The following PRKAG2 variants were observed in gnomAD, a reference collection of about 807,000 sequenced individuals.
PRKAG2 encodes 5'-AMP-activated protein kinase subunit gamma-2.
PRKAG2 carries 26 observed loss-of-function variants against 69.6 expected under a neutral mutation model. The ratio of observed to expected loss-of-function variants is 0.37; its 90% confidence interval spans 0.27 to 0.52. PRKAG2 has a LOEUF of 0.52. Ranked by LOEUF, PRKAG2 falls within the 20% of genes least tolerant of loss-of-function variation. The probability of loss-of-function intolerance (pLI) is 0.90; values close to 1 mark genes in which losing one functional copy is unlikely to be tolerated. For missense variants in PRKAG2, 557 were observed against 740.0 expected, an observed-to-expected ratio of 0.75 and a Z score of 2.87; for synonymous variants, 293 against 285.0, an observed-to-expected ratio of 1.03 and a Z score of -0.28.
At chr7:151,618,980 C>T (rs1820841655) in intron 5 of PRKAG2, among the ~76,000 whole-genome samples, 1 of 152,060 alleles carries the variant, frequency 6.6e-6, no homozygotes, top group Admixed American at 6.5e-5. Context: ...AATGCACACA[C>T]TCTTCTAAAT....
At chr7:151,743,225 T>C (rs2074026680) in intron 3 of PRKAG2, among the ~76,000 whole-genome samples, 2 of 152,220 alleles carry the variant, frequency 1.3e-5, no homozygotes, top group African/African-American at 4.8e-5. Context: ...TTCTAATGTA[T>C]TTTTAAAGGG....
intron 3 of PRKAG2, among the ~76,000 whole-genome samples, chr7:151,722,236 G>T (rs1797230265): frequency 6.6e-6 from 1 of 152,124 alleles, no homozygotes; most frequent in Non-Finnish European, 1.5e-5. Context: ...TTATAAAAGG[G>T]GTTCAGCCCA....
rs78231637 is a variant in PRKAG2 at position 151,710,287 on chromosome 7, T to C, written c.467-34650A>G. On this transcript the variant is annotated intron_variant, in intron 3 of 15. Coordinates refer to ENST00000287878, the MANE Select transcript of PRKAG2 (RefSeq NM_016203.4). ...ACCCGTGCCCCGCCCAGCCTGTCTC[T>C]ATCTCAGTGCGTGGCACCCCTGTCC... Among the ~76,000 whole-genome samples the C allele has an allele frequency of 7.6e-3, 1,162 of 152,244 alleles. 14 individuals carry two copies. The highest frequency in any genetic ancestry group is 0.027 in the African/African-American group (1,122 of 41,544).
At chr7:151,772,880 G>C (rs940504888) in intron 3 of PRKAG2, among the ~76,000 whole-genome samples, 1 of 151,522 alleles carries the variant, frequency 6.6e-6, no homozygotes, top group Non-Finnish European at 1.5e-5. Flanking sequence ...CACCTATTGC[G>C]GGCAAAGGGC....
At chr7:151,865,907 C>CG (rs2080061232) in intron 1 of PRKAG2, among the ~76,000 whole-genome samples, 1 of 151,736 alleles carries the variant, frequency 6.6e-6, no homozygotes, top group African/African-American at 2.4e-5. Flanking sequence ...GTAGACCCAG[C>CG]TACTCGGGAG....
chr7:151,856,258 C>CA (rs2079772395), intron 1 of PRKAG2, among the ~76,000 whole-genome samples: 1 of 152,218 alleles, frequency 6.6e-6, no homozygotes, highest in African/African-American at 2.4e-5. Flanking sequence ...GTCACACAGC[C>CA]AATGAGAGGT....
At chr7:151,801,556 G>T (rs2077839827) in intron 1 of PRKAG2, among the ~76,000 whole-genome samples, 2 of 152,226 alleles carry the variant, frequency 1.3e-5, no homozygotes, top group African/African-American at 4.8e-5. Flanking sequence ...GGTTCATCGG[G>T]GAGACTACGT....
chr7:151,699,105 AC>A lies in PRKAG2; in HGVS notation c.467-23469del, dbSNP rs1399292414. On this transcript the variant is annotated intron_variant, in intron 3 of 15. Coordinates refer to ENST00000287878, the MANE Select transcript of PRKAG2 (RefSeq NM_016203.4). The surrounding 1 kb of genome is among the most constrained non-coding windows in gnomAD (Gnocchi z 4.5). Reference sequence around the variant, plus strand: ...AGCCAGTCTGCAAACTCTGGGGAGCACCCCTCAATGCCCTTAGGCCACCTTT... The same window carrying A: ...AGCCAGTCTGCAAACTCTGGGGAGCACCCTCAATGCCCTTAGGCCACCTTT... 6.6e-6 allele frequency among the ~76,000 whole-genome samples: 1 copy of A among 152,072 alleles called. No individual in the cohort carries two copies. The highest frequency in any genetic ancestry group is 1.5e-5 in the Non-Finnish European group (1 of 68,010).
chr7:151,762,462 C>T (rs1402110171), intron 3 of PRKAG2, among the ~76,000 whole-genome samples: 1 of 152,106 alleles, frequency 6.6e-6, no homozygotes, highest in East Asian at 1.9e-4. Context: ...CTGGGAGCCT[C>T]TAAAGGGAGC....
intron 5 of PRKAG2, among the ~76,000 whole-genome samples, chr7:151,629,041 A>AG (rs966471954): frequency 2.0e-5 from 3 of 152,188 alleles, no homozygotes; most frequent in African/African-American, 7.2e-5. Context: ...GACACAGAGC[A>AG]GGGGGCTGGC....
chr7:151,840,781 G>A (rs939722841), intron 1 of PRKAG2, among the ~76,000 whole-genome samples: 6 of 152,248 alleles, frequency 3.9e-5, no homozygotes, highest in Admixed American at 2.0e-4. Context: ...ACACCGGAGC[G>A]AGGAGCTGCC....
chr7:151,637,342 G>A (rs543386749), intron 4 of PRKAG2, among the ~76,000 whole-genome samples: 6 of 152,116 alleles, frequency 3.9e-5, no homozygotes, highest in African/African-American at 1.2e-4. Flanking sequence ...AATTCTTACC[G>A]GTGTTTATGA....
chr7:151,844,894 C>T (rs541266498), intron 1 of PRKAG2, among the ~76,000 whole-genome samples: 2 of 150,922 alleles, frequency 1.3e-5, no homozygotes, highest in Admixed American at 6.6e-5. Flanking sequence ...TGGGCTAGAC[C>T]GCCTGGGTCT....
intron 3 of PRKAG2, among the ~76,000 whole-genome samples, chr7:151,745,080 A>T (rs6957149): frequency 0.091 from 13,832 of 152,164 alleles, 1,958 homozygotes; most frequent in African/African-American, 0.31. Context: ...GGGGCCATCA[A>T]GAGCCAGGCT....
At chr7:151,869,180 C>T (rs1239389313) in intron 1 of PRKAG2, among the ~76,000 whole-genome samples, 1 of 152,154 alleles carries the variant, frequency 6.6e-6, no homozygotes, top group Non-Finnish European at 1.5e-5. Flanking sequence ...GATGCAATAT[C>T]GATTGAACCC....
At chr7:151,785,852 G>GCCC (rs2076978844) in intron 2 of PRKAG2, among the ~76,000 whole-genome samples, 1 of 152,044 alleles carries the variant, frequency 6.6e-6, no homozygotes, top group South Asian at 2.1e-4. Flanking sequence ...CCTCTCCAGA[G>GCCC]CCCCCCACCC....
rs897371453 is a variant in PRKAG2 at position 151,756,502 on chromosome 7, C to T, written c.466+24650G>A. Among the ~76,000 whole-genome samples, 1 of 152,232 alleles carries T rather than the reference C, an allele frequency of 6.6e-6. No individual in the cohort carries two copies. Among genetic ancestry groups the T allele is most frequent in the Non-Finnish European group, 1.5e-5 (1 of 68,044 alleles). On this transcript the variant is annotated intron_variant, in intron 3 of 15. Transcript: ENST00000287878. The surrounding 1 kb of genome is among the most constrained non-coding windows in gnomAD (Gnocchi z 4.9). The stretch of plus-strand genomic sequence containing the variant: ...CTGCGCTGCTCTCATGCTCAATCCT[C>T]ACCCCTACTCTGCCTGGATGCAGGG...
chr7:151,773,023 AAGAGAGAGAGAGAG>A (rs1163334410), intron 3 of PRKAG2, among the ~76,000 whole-genome samples: 25 of 55,094 alleles, frequency 4.5e-4, no homozygotes, highest in African/African-American at 1.2e-3. Context: ...GAAAGAAAGA[AAGAGAGAGAGAGAG>A]AGAGAGAGAG....
intron 5 of PRKAG2, among the ~76,000 whole-genome samples, chr7:151,607,687 T>C (rs1432229125): frequency 6.6e-6 from 1 of 152,212 alleles, no homozygotes; most frequent in African/African-American, 2.4e-5. Context: ...ATCTCTAGGA[T>C]CATTTCAACA....
Sources: allele counts gnomAD v4.1 joint callset (sites outside exome capture counted in the v4.1 genomes callset), GRCh38; gene constraint gnomAD v4.1.1; non-coding constraint Gnocchi (gnomAD v3.1); transcripts MANE v1.5; gene names NCBI Gene and HGNC (gene_info 2026-07-23, HGNC 2026-07-21).